KIF13B: variants seen among roughly 807,000 people sequenced by gnomAD.
The protein encoded by KIF13B is kinesin-like protein KIF13B.
In KIF13B, 127 loss-of-function variants were observed where a neutral mutation model predicts 222.0. That is an observed-to-expected ratio of 0.57 (90% CI 0.50 to 0.66). KIF13B has a LOEUF of 0.66. Ranked by LOEUF, KIF13B falls within the 30% of genes least tolerant of loss-of-function variation. The pLI is 0.00. For missense variants in KIF13B, 2,173 were observed against 2,379.0 expected, an observed-to-expected ratio of 0.91 and a Z score of 1.80; for synonymous variants, 976 against 919.0, an observed-to-expected ratio of 1.06 and a Z score of -1.12.
In KIF13B at chr8:29,183,757, T is replaced by A. The variant is rs182169769; in HGVS notation, c.498-1751A>T. On this transcript the variant is annotated intron_variant, in intron 6 of 39. Coordinates refer to ENST00000524189, the MANE Select transcript of KIF13B (RefSeq NM_015254.4). The stretch of plus-strand genomic sequence containing the variant: ...CTAACAAAGTGAAGATTAGAGAGAT[T>A]AAGATGACAGTGAGGACTCCAAATG... 1.1e-4 allele frequency among the ~76,000 whole-genome samples: 16 copies of A among 152,290 alleles called. No homozygotes were observed. The East Asian group carries it at 1.9e-3, about 18-fold the overall frequency.
At chr8:29,123,895 C>T in intron 27 of KIF13B, 129 bp downstream of exon 27, 1 of 642,836 alleles carries the variant, frequency 1.6e-6, no homozygotes, top group East Asian at 2.7e-5. Flanking sequence ...AAGAGTAACA[C>T]TCATCTGCTC....
At chr8:29,240,483 T>C (rs191137406) in intron 2 of KIF13B, among the ~76,000 whole-genome samples, 1 of 152,260 alleles carries the variant, frequency 6.6e-6, no homozygotes, top group African/African-American at 2.4e-5. Flanking sequence ...TTCACATAGG[T>C]TTAAACTGCA....
intron 2 of KIF13B, among the ~76,000 whole-genome samples, chr8:29,223,760 C>T (rs921225780): frequency 3.3e-5 from 5 of 152,234 alleles, no homozygotes; most frequent in Non-Finnish European, 5.9e-5. Flanking sequence ...GGCTTGATCT[C>T]GGCTCACTGC....
intron 1 of KIF13B, chr8:29,250,157 C>G: frequency 1.4e-6 from 1 of 730,106 alleles, no homozygotes; most frequent in South Asian, 1.5e-5. Context: ...CAAAGTTGGT[C>G]ATTAGTTTCT....
intron 37 of KIF13B, among the ~76,000 whole-genome samples, chr8:29,087,068 T>A (rs1808077897): frequency 1.3e-5 from 2 of 152,234 alleles, no homozygotes; most frequent in African/African-American, 4.8e-5. Context: ...GTCATCAACA[T>A]CCACTCTGCT....
At chr8:29,229,088 TAAA>T (rs370080449) in intron 2 of KIF13B, among the ~76,000 whole-genome samples, 11 of 94,690 alleles carry the variant, frequency 1.2e-4, no homozygotes, top group Admixed American at 2.7e-4. Context: ...ATGTCAGCTT[TAAA>T]AAAAAAAAAA....
intron 2 of KIF13B, among the ~76,000 whole-genome samples, chr8:29,207,534 A>C (rs1357559066): frequency 6.6e-6 from 1 of 152,148 alleles, no homozygotes; most frequent in Non-Finnish European, 1.5e-5. Flanking sequence ...TAAACTGTCC[A>C]GTCCTGATTT....
intron 37 of KIF13B, among the ~76,000 whole-genome samples, chr8:29,091,534 T>C (rs1554593791): frequency 6.6e-6 from 1 of 152,246 alleles, no homozygotes; most frequent in Non-Finnish European, 1.5e-5. Flanking sequence ...CCAAGTTAGC[T>C]ATGGGTTCCC....
In KIF13B at chr8:29,155,759, C is replaced by G; in HGVS notation, c.1502G>C (p.Gly501Ala). 1 of 1,604,550 alleles carries G rather than the reference C, an allele frequency of 6.2e-7. No individual in the cohort carries two copies. Among genetic ancestry groups the G allele is most frequent in the Non-Finnish European group, 8.5e-7 (1 of 1,174,826 alleles). ...CTTCTGAGGAGTCAGCATAACCTGG[C>G]CTTCTGACGTGATGTCTATAATACA... ...EHCIIDITSEGQVMLTPQKNT... is the reference protein window; with the variant it reads ...EHCIIDITSEAQVMLTPQKNT... Residue 501 changes from glycine (G) to alanine (A), a missense_variant, in exon 14 of 40, where the codon GGC becomes GCC. By Grantham distance (60) the Gly-to-Ala change is moderately conservative (BLOSUM62 0). Coordinates refer to ENST00000524189, the MANE Select transcript of KIF13B (RefSeq NM_015254.4).
rs200741257 is a variant in KIF13B at position 29,074,029 on chromosome 8, GAGAATACGCAA to G, written c.4521+1241_4521+1251del. Among the ~76,000 whole-genome samples the G allele has an allele frequency of 9.3e-3, 1,414 of 152,232 alleles. 18 individuals carry two copies. The highest frequency in any genetic ancestry group is 0.032 in the African/African-American group (1,330 of 41,494). On this transcript the variant is annotated intron_variant, in intron 38 of 39. Coordinates refer to ENST00000524189, the MANE Select transcript of KIF13B (RefSeq NM_015254.4). ...TTTTAATATCACTGACCCAACAGGG[GAGAATACGCAA>G]AACTATGAGAGCCGGGAATCTGAAC...
chr8:29,109,278 C>T lies in KIF13B; in HGVS notation c.4161+156G>A, dbSNP rs575116077. The stretch of plus-strand genomic sequence containing the variant: ...TAGTAGGAACAGGGGCAGAGGTGCA[C>T]AGACCCAGTGGGGTGGAGACCAGGG... On this transcript the variant is annotated intron_variant, in intron 34 of 39. Coordinates refer to ENST00000524189, the MANE Select transcript of KIF13B (RefSeq NM_015254.4). Among the ~76,000 whole-genome samples, 11 of 152,322 alleles carry T rather than the reference C, an allele frequency of 7.2e-5. No individual in the cohort carries two copies. The South Asian group carries it at 1.9e-3, about 26-fold the overall frequency.
chr8:29,146,495 A>G lies in KIF13B; in HGVS notation c.2070T>C (p.Ile690=), dbSNP rs1383314649. 4.3e-6 allele frequency: 7 copies of G among 1,613,836 alleles called. No homozygotes were observed. Among genetic ancestry groups the G allele is most frequent in the African/African-American group, 4.0e-5 (3 of 74,908 alleles). ...CTCTCACCAATAGATTGGCCTTAAC[A>G]ATTTGTTCCCTCAGCCTCATCAGGC... ...NNSLMRLREQ[I]VKANLLVREA... Residue 690 remains isoleucine (I), a synonymous_variant, in exon 18 of 40, where the codon ATT becomes ATC. Coordinates refer to ENST00000524189, the MANE Select transcript of KIF13B (RefSeq NM_015254.4).
At chr8:29,092,927 C>T in intron 36 of KIF13B, 49 bp from the exon 37 acceptor site, 1 of 1,510,724 alleles carries the variant, frequency 6.6e-7, no homozygotes, top group East Asian at 2.4e-5. Flanking sequence ...ATTACATAGA[C>T]ATCTTCTTTC....
At chr8:29,192,870 G>A (rs1813247692) in intron 3 of KIF13B, among the ~76,000 whole-genome samples, 2 of 151,832 alleles carry the variant, frequency 1.3e-5, no homozygotes, top group Non-Finnish European at 1.5e-5. Context: ...CTTGTGCCTG[G>A]ATCAGAATTG....
chr8:29,229,665 T>C (rs1285409042), intron 2 of KIF13B, among the ~76,000 whole-genome samples: 1 of 152,202 alleles, frequency 6.6e-6, no homozygotes, highest in Admixed American at 6.5e-5. Flanking sequence ...ACGGAGTTCC[T>C]TTTCTTATGA....
chr8:29,182,188 T>C (rs1472724380), intron 6 of KIF13B, among the ~76,000 whole-genome samples, 182 bp from the exon 7 acceptor site: 1 of 152,254 alleles, frequency 6.6e-6, no homozygotes, highest in Admixed American at 6.5e-5. Context: ...GAAAACTTCA[T>C]AATGTGATTA....
chr8:29,095,303 AAAG>A (rs1332570381), intron 36 of KIF13B, among the ~76,000 whole-genome samples: 7 of 152,382 alleles, frequency 4.6e-5, no homozygotes, highest in South Asian at 4.1e-4. Flanking sequence ...TCTCAGCAGA[AAAG>A]AAGGAGCTGG....
At chr8:29,077,612 C>A (rs772470705) in intron 37 of KIF13B, among the ~76,000 whole-genome samples, 13 of 152,194 alleles carry the variant, frequency 8.5e-5, no homozygotes. Flanking sequence ...GGATGTTAAG[C>A]GCCTAACATG....
At chr8:29,187,445 C>T (rs1335633379) in intron 5 of KIF13B, among the ~76,000 whole-genome samples, 9 of 151,908 alleles carry the variant, frequency 5.9e-5, no homozygotes, top group Non-Finnish European at 1.0e-4. Context: ...GCAGAAGAAT[C>T]GCTTGAACCT....
Sources: allele counts gnomAD v4.1 joint callset (sites outside exome capture counted in the v4.1 genomes callset), GRCh38; gene constraint gnomAD v4.1.1; transcripts MANE v1.5; gene names NCBI Gene and HGNC (gene_info 2026-07-23, HGNC 2026-07-21).